Variants in ZNF331 observed in about 807,000 individuals in gnomAD.
ZNF331 encodes zinc finger protein 331.
A neutral mutation model predicts 7.0 loss-of-function variants in ZNF331; 2 were observed. The observed-to-expected ratio is 0.29, with a 90% confidence interval of 0.12 to 0.90. The LOEUF (loss-of-function observed/expected upper bound fraction) is 0.90. Ranked by LOEUF, ZNF331 falls within the 40% of genes least tolerant of loss-of-function variation. The probability of loss-of-function intolerance (pLI) is 0.58; values close to 1 mark genes in which losing one functional copy is unlikely to be tolerated. For synonymous variants in ZNF331, 196 were observed against 205.4 expected, an observed-to-expected ratio of 0.95 and a Z score of 0.39; for missense variants, 432 against 587.7, an observed-to-expected ratio of 0.74 and a Z score of 2.74.
At chr19:53,504,546 A>G in the ZNF331 span, among the ~76,000 whole-genome samples, 5 of 152,130 alleles carry the variant, frequency 3.3e-5, no homozygotes, top group Non-Finnish European at 4.4e-5. Context: ...CGTAAACGTT[A>G]TAAGAAAGTG....
chr19:53,551,523 T>TAGAG, intron 2 of ZNF331, among the ~76,000 whole-genome samples: 1 of 152,268 alleles, frequency 6.6e-6, no homozygotes, highest in South Asian at 2.1e-4. Flanking sequence ...CTCATATATT[T>TAGAG]ACACCTTATA....
the ZNF331 span, among the ~76,000 whole-genome samples, chr19:53,512,844 G>A: frequency 6.7e-6 from 1 of 149,980 alleles, no homozygotes; most frequent in Non-Finnish European, 1.5e-5. Context: ...TCAAACTAAT[G>A]CCTGATGATC....
intron 5 of ZNF331, among the ~76,000 whole-genome samples, chr19:53,572,054 A>G (rs185824065): frequency 3.9e-4 from 60 of 152,284 alleles, no homozygotes; most frequent in South Asian, 1.5e-3. Flanking sequence ...CCAAATTGCT[A>G]TTGGTGGTCG....
At chr19:53,513,753 G>A in the ZNF331 span, among the ~76,000 whole-genome samples, 3 of 152,118 alleles carry the variant, frequency 2.0e-5, no homozygotes, top group Non-Finnish European at 2.9e-5. Flanking sequence ...CCGGGGAGGC[G>A]TGATTAGCCG....
intron 3 of ZNF331, among the ~76,000 whole-genome samples, chr19:53,567,417 G>A (rs1034961463): frequency 5.9e-5 from 9 of 152,220 alleles, no homozygotes; most frequent in African/African-American, 1.9e-4. Flanking sequence ...CCCACTGTCT[G>A]ATCCTAGATC....
rs546129936 is a variant in ZNF331 at position 53,553,208 on chromosome 19, C to G, written c.-137-2637C>G. ...TTTCCTCTATCTTCTGCAAGATTTT[C>G]ATTTTTAAAAATTACTGTCTTGGCT... On this transcript the variant is annotated intron_variant, in intron 2 of 5. Transcript: ENST00000449416. Among the ~76,000 whole-genome samples the G allele has an allele frequency of 2.0e-5, 3 of 151,060 alleles. No homozygotes were observed. In the South Asian group the frequency reaches 6.3e-4, roughly 32 times the overall value.
At chr19:53,513,198 T>A in the ZNF331 span, among the ~76,000 whole-genome samples, 1 of 151,810 alleles carries the variant, frequency 6.6e-6, no homozygotes, top group Non-Finnish European at 1.5e-5. Flanking sequence ...TGTCTCACAG[T>A]GTGTTTATCC....
At chr19:53,572,753 A>G (rs912347596) in intron 5 of ZNF331, among the ~76,000 whole-genome samples, 7 of 151,918 alleles carry the variant, frequency 4.6e-5, no homozygotes, top group Non-Finnish European at 1.0e-4. Context: ...CAGATGAGAC[A>G]GGCACAATCA....
chr19:53,549,571 A>T (rs2088848053), intron 2 of ZNF331, among the ~76,000 whole-genome samples: 1 of 152,076 alleles, frequency 6.6e-6, no homozygotes, highest in Non-Finnish European at 1.5e-5. Context: ...TTGTCTTCAG[A>T]CTGCTTGGCA....
Position 53,530,728 on chromosome 19 carries a change from CAT to C in ZNF331, c.-205+8045_-205+8046del, listed in dbSNP as rs556947811. 3.3e-5 allele frequency among the ~76,000 whole-genome samples: 5 copies of C among 152,350 alleles called. No homozygotes were observed. In the South Asian group the frequency reaches 1.0e-3, roughly 32 times the overall value. On this transcript the variant is annotated intron_variant, in intron 2 of 6. Transcript: ENST00000253144. Reference sequence around the variant, plus strand: ...CATTTTTCCAGTCAGTGCTCCAGCACATGTGGAAATATGTGTCTGTGTGTGCA... The same window carrying C: ...CATTTTTCCAGTCAGTGCTCCAGCACGTGGAAATATGTGTCTGTGTGTGCA...
upstream of ZNF331, among the ~76,000 whole-genome samples, chr19:53,519,866 T>C (rs1392358424): frequency 6.6e-6 from 1 of 152,008 alleles, no homozygotes; most frequent in African/African-American, 2.4e-5. Flanking sequence ...TGCTGAAACG[T>C]CCCCAAAATC....
chr19:53,546,140 G>GAAAAAAAAACAAAAAAAAAAAAAAAAAAA, intron 2 of ZNF331, among the ~76,000 whole-genome samples: 1 of 113,484 alleles, frequency 8.8e-6, no homozygotes. Flanking sequence ...TCCTGAGGGG[G>GAAAAAAAAACAAAAAAAAAAAAAAAAAAA]AAAAAAAAAA....
chr19:53,559,364 TACAC>T (rs1181346363), intron 3 of ZNF331, among the ~76,000 whole-genome samples: 3 of 147,092 alleles, frequency 2.0e-5, no homozygotes, highest in Admixed American at 6.7e-5. Context: ...TACACACATA[TACAC>T]ACACACCCCA....
upstream of ZNF331, among the ~76,000 whole-genome samples, chr19:53,520,160 C>T (rs186188064): frequency 1.2e-4 from 19 of 152,074 alleles, no homozygotes; most frequent in South Asian, 6.2e-4. Context: ...CGATTCTCTT[C>T]CCTCAGCCTC....
At chr19:53,549,408 A>G (rs2088838943) in intron 2 of ZNF331, among the ~76,000 whole-genome samples, 1 of 152,214 alleles carries the variant, frequency 6.6e-6, no homozygotes, top group South Asian at 2.1e-4. Context: ...ACAAGGAGGT[A>G]GGATGAAAAT....
intron 2 of ZNF331, among the ~76,000 whole-genome samples, chr19:53,542,861 G>A (rs2088274346): frequency 6.6e-6 from 1 of 152,234 alleles, no homozygotes; most frequent in Admixed American, 6.5e-5. Context: ...CTAGGCTGGA[G>A]TGCAATGGCG....
At chr19:53,503,622 A>G in the ZNF331 span, 620 of 696,100 alleles carry the variant, frequency 8.9e-4, no homozygotes, top group African/African-American at 9.4e-3. Context: ...TTCCGGAGTG[A>G]TTCTGGATGT....
intron 3 of ZNF331, among the ~76,000 whole-genome samples, chr19:53,565,464 T>G (rs1473433131): frequency 6.6e-6 from 1 of 151,972 alleles, no homozygotes; most frequent in Admixed American, 6.6e-5. Context: ...CAAAGCGCAG[T>G]GTTGGCATTA....
At chr19:53,547,670 C>T (rs902355516) in intron 2 of ZNF331, among the ~76,000 whole-genome samples, 1 of 152,194 alleles carries the variant, frequency 6.6e-6, no homozygotes, top group Non-Finnish European at 1.5e-5. Context: ...TCCTCACAGC[C>T]TTGCCAACAT....
Sources: allele counts gnomAD v4.1 joint callset (sites outside exome capture counted in the v4.1 genomes callset), GRCh38; gene constraint gnomAD v4.1.1; transcripts MANE v1.5; gene names NCBI Gene and HGNC (gene_info 2026-07-23, HGNC 2026-07-21).